The following CPQ variants were observed in gnomAD, a reference collection of about 807,000 sequenced individuals.
CPQ encodes carboxypeptidase Q.
A neutral mutation model predicts 45.7 loss-of-function variants in CPQ; 37 were observed. That is an observed-to-expected ratio of 0.81 (90% CI 0.62 to 1.07). CPQ has a LOEUF of 1.07. Ranked by LOEUF, CPQ falls within the 50% of genes least tolerant of loss-of-function variation. The pLI, the probability that CPQ is intolerant of heterozygous loss-of-function variation, is 0.00. For synonymous variants in CPQ, 186 were observed against 205.8 expected (o/e 0.90, Z 0.82); for missense variants, 537 against 572.9 (o/e 0.94, Z 0.64).
chr8:96,818,604 T>C (rs1418829512), intron 2 of CPQ, among the ~76,000 whole-genome samples: 1 of 152,132 alleles, frequency 6.6e-6, no homozygotes, highest in Non-Finnish European at 1.5e-5. Flanking sequence ...TGACTACCCA[T>C]TTGCCTGTTT....
At chr8:96,790,415 G>A (rs1356965575) in intron 2 of CPQ, among the ~76,000 whole-genome samples, 1 of 152,100 alleles carries the variant, frequency 6.6e-6, no homozygotes, top group Non-Finnish European at 1.5e-5. Context: ...TATTCTTGAT[G>A]GCTACTTAGG....
intron 5 of CPQ, among the ~76,000 whole-genome samples, chr8:96,990,821 ACCC>A (rs1809080693): frequency 6.6e-6 from 1 of 152,160 alleles, no homozygotes; most frequent in East Asian, 1.9e-4. Flanking sequence ...GTAGCAGGTG[ACCC>A]CTAGGAAAAC....
At chr8:96,955,283 C>T (rs995980664) in intron 4 of CPQ, among the ~76,000 whole-genome samples, 4 of 152,126 alleles carry the variant, frequency 2.6e-5, no homozygotes, top group African/African-American at 7.2e-5. Flanking sequence ...TTTTAATGAT[C>T]ACCATTCTAA....
At chr8:96,800,870 C>G (rs1391559524) in intron 2 of CPQ, among the ~76,000 whole-genome samples, 1 of 151,518 alleles carries the variant, frequency 6.6e-6, no homozygotes, top group Non-Finnish European at 1.5e-5. Context: ...TAAAAGAGAA[C>G]AAATAGTTTT....
intron 2 of CPQ, among the ~76,000 whole-genome samples, chr8:96,825,337 G>T (rs1811366181): frequency 6.6e-6 from 1 of 151,992 alleles, no homozygotes; most frequent in African/African-American, 2.4e-5. Context: ...CAGATGTTTT[G>T]GGGGAGAACA....
At chr8:96,928,157 T>C (rs1455012454) in intron 4 of CPQ, among the ~76,000 whole-genome samples, 1 of 152,136 alleles carries the variant, frequency 6.6e-6, no homozygotes. Context: ...TCATGAAGCA[T>C]TTTCTATCGT....
At chr8:96,719,751 A>G (rs1028971586) in intron 1 of CPQ, among the ~76,000 whole-genome samples, 2 of 152,174 alleles carry the variant, frequency 1.3e-5, no homozygotes, top group African/African-American at 2.4e-5. Flanking sequence ...GAGACTGGGA[A>G]TGCACACAAA....
intron 6 of CPQ, chr8:97,055,407 T>C (rs944593773): frequency 1.3e-5 from 2 of 152,230 alleles, no homozygotes; most frequent in African/African-American, 4.8e-5. Flanking sequence ...CCTTTTGAGG[T>C]TCAAGTCCAT....
At chr8:96,885,147 C>T (rs1246457151) in intron 4 of CPQ, among the ~76,000 whole-genome samples, 1 of 152,118 alleles carries the variant, frequency 6.6e-6, no homozygotes, top group Non-Finnish European at 1.5e-5. Flanking sequence ...CAGCAATTTG[C>T]AAGGAACTAA....
intron 1 of CPQ, among the ~76,000 whole-genome samples, chr8:96,713,892 T>C (rs1011503331): frequency 6.6e-6 from 1 of 152,222 alleles, no homozygotes; most frequent in African/African-American, 2.4e-5. Context: ...TCTCCTTAAT[T>C]TATGAAACTT....
intron 4 of CPQ, among the ~76,000 whole-genome samples, chr8:96,923,031 A>G (rs570892650): frequency 6.6e-6 from 1 of 152,284 alleles, no homozygotes; most frequent in African/African-American, 2.4e-5. Flanking sequence ...CAACTCCTCA[A>G]CATTGACCCA....
intron 7 of CPQ, among the ~76,000 whole-genome samples, chr8:97,124,665 C>T (rs944345121): frequency 8.5e-5 from 13 of 152,132 alleles, no homozygotes; most frequent in Admixed American, 4.6e-4. Flanking sequence ...AAATATCACA[C>T]TTCTAAATAA....
intron 5 of CPQ, among the ~76,000 whole-genome samples, chr8:97,017,044 C>T (rs1809592107): frequency 6.6e-6 from 1 of 152,160 alleles, no homozygotes; most frequent in Admixed American, 6.5e-5. Flanking sequence ...ATTACTCCTG[C>T]AGGACCTGGG....
intron 4 of CPQ, among the ~76,000 whole-genome samples, chr8:96,937,006 C>T (rs1813060916): frequency 6.6e-6 from 1 of 152,066 alleles, no homozygotes; most frequent in Non-Finnish European, 1.5e-5. Flanking sequence ...TCTGGGTATT[C>T]CCTCCTTTCC....
At chr8:96,701,598 T>C (rs893628074) in intron 1 of CPQ, among the ~76,000 whole-genome samples, 2 of 152,186 alleles carry the variant, frequency 1.3e-5, no homozygotes, top group South Asian at 2.1e-4. Flanking sequence ...CTTCTTGTCC[T>C]GATCAGAAAG....
chr8:96,869,236 T>A (rs1812033969), intron 3 of CPQ, among the ~76,000 whole-genome samples: 1 of 152,046 alleles, frequency 6.6e-6, no homozygotes, highest in Admixed American at 6.6e-5. Context: ...AAATTTTGCC[T>A]TCATTTAGAC....
intron 4 of CPQ, among the ~76,000 whole-genome samples, chr8:96,892,040 G>A (rs557502334): frequency 4.7e-4 from 71 of 152,242 alleles, no homozygotes; most frequent in South Asian, 8.3e-4. Flanking sequence ...TTTAAGAAAC[G>A]TGATGTGACT....
chr8:96,800,976 ATTT>A (rs5893399), intron 2 of CPQ, among the ~76,000 whole-genome samples: 3 of 139,676 alleles, frequency 2.1e-5, no homozygotes. Flanking sequence ...TCTGAATTTG[ATTT>A]TTTTTTTTTT....
chr8:97,055,475 C>T (rs1264238571), intron 6 of CPQ: 1 of 152,182 alleles, frequency 6.6e-6, no homozygotes, highest in East Asian at 1.9e-4. Context: ...AATAACTCAA[C>T]TCTCACCTTC....
Sources: allele counts gnomAD v4.1 joint callset (sites outside exome capture counted in the v4.1 genomes callset), GRCh38; gene constraint gnomAD v4.1.1; transcripts MANE v1.5; gene names NCBI Gene and HGNC (gene_info 2026-07-23, HGNC 2026-07-21).